ABTB3: variants seen among roughly 807,000 people sequenced by gnomAD.
ABTB3 encodes the protein ankyrin repeat and BTB domain containing 3.
the ABTB3 span, among the ~76,000 whole-genome samples, chr12:107,520,077 T>C: frequency 2.6e-5 from 4 of 152,118 alleles, no homozygotes; most frequent in African/African-American, 9.7e-5. Flanking sequence ...GAAGCAATTT[T>C]CGGCAGAGAC....
the ABTB3 span, among the ~76,000 whole-genome samples, chr12:107,565,383 A>T: frequency 2.6e-5 from 4 of 152,102 alleles, no homozygotes; most frequent in African/African-American, 9.7e-5. Flanking sequence ...GCTGTATGCC[A>T]GACGTAGATG....
chr12:107,356,359 C>T, the ABTB3 span, among the ~76,000 whole-genome samples: 77 of 152,276 alleles, frequency 5.1e-4, no homozygotes, highest in Non-Finnish European at 8.5e-4. Context: ...ATGCACTTCC[C>T]CTTCCTTATG....
chr12:107,583,797 G>T, the ABTB3 span, among the ~76,000 whole-genome samples: 2 of 152,196 alleles, frequency 1.3e-5, no homozygotes, highest in South Asian at 4.1e-4. Flanking sequence ...TGTGCACGCA[G>T]GCCAGAATGC....
At chr12:107,492,748 A>C in the ABTB3 span, among the ~76,000 whole-genome samples, 1 of 152,118 alleles carries the variant, frequency 6.6e-6, no homozygotes, top group Admixed American at 6.5e-5. Flanking sequence ...CCAACCAGAA[A>C]AAACAAAAAA....
At chr12:107,319,482 C>T in the ABTB3 span, 74 of 1,597,894 alleles carry the variant, frequency 4.6e-5, no homozygotes, top group African/African-American at 9.4e-4. Flanking sequence ...TGTACGGCGG[C>T]TGCGCTGGCC....
chr12:107,559,396 G>A, the ABTB3 span, among the ~76,000 whole-genome samples: 9 of 149,598 alleles, frequency 6.0e-5, no homozygotes, highest in Admixed American at 4.0e-4. Flanking sequence ...CAACATTAGC[G>A]AATATTAGCC....
At chr12:107,453,081 A>T in the ABTB3 span, among the ~76,000 whole-genome samples, 1 of 152,178 alleles carries the variant, frequency 6.6e-6, no homozygotes, top group Non-Finnish European at 1.5e-5. Context: ...GGAAAGGTCT[A>T]GGGAATCGCA....
At chr12:107,617,714 T>C in the ABTB3 span, 2 of 450,516 alleles carry the variant, frequency 4.4e-6, no homozygotes, top group Non-Finnish European at 7.8e-6. Flanking sequence ...TCAGGGCACG[T>C]CATGTCAGCT....
chr12:107,352,124 A>G, the ABTB3 span, among the ~76,000 whole-genome samples: 3 of 152,304 alleles, frequency 2.0e-5, no homozygotes, highest in South Asian at 6.2e-4. Context: ...GAGATACCCC[A>G]GTCAACAGGC....
At chr12:107,575,389 GCGCCA>G in the ABTB3 span, among the ~76,000 whole-genome samples, 1 of 151,992 alleles carries the variant, frequency 6.6e-6, no homozygotes, top group Non-Finnish European at 1.5e-5. Context: ...TCGGTACCAG[GCGCCA>G]CGCTAAGTAC....
the ABTB3 span, among the ~76,000 whole-genome samples, chr12:107,626,396 A>T: frequency 7.4e-6 from 1 of 135,016 alleles, no homozygotes; most frequent in South Asian, 2.4e-4. Flanking sequence ...CCCAGGCTAG[A>T]GTGTAGTGGT....
At chr12:107,571,676 G>T in the ABTB3 span, among the ~76,000 whole-genome samples, 1 of 152,246 alleles carries the variant, frequency 6.6e-6, no homozygotes, top group Admixed American at 6.5e-5. Flanking sequence ...CACTTCTGAG[G>T]CTGCGGCTCC....
the ABTB3 span, among the ~76,000 whole-genome samples, chr12:107,436,838 A>G: frequency 5.1e-4 from 78 of 152,154 alleles, no homozygotes; most frequent in Non-Finnish European, 9.0e-4. Context: ...ACTATTATAG[A>G]TCAGTAAGAA....
At chr12:107,545,389 A>G in the ABTB3 span, among the ~76,000 whole-genome samples, 16,629 of 151,840 alleles carry the variant, frequency 0.11, 979 homozygotes, top group Middle Eastern at 0.13. Context: ...GACTACAGTC[A>G]TGCCCCACCA....
At chr12:107,656,344 T>C in the ABTB3 span, among the ~76,000 whole-genome samples, 2 of 152,000 alleles carry the variant, frequency 1.3e-5, no homozygotes, top group African/African-American at 4.8e-5. Flanking sequence ...GAAAAAATTA[T>C]AATCTAGGAC....
At chr12:107,401,630 T>C in the ABTB3 span, among the ~76,000 whole-genome samples, 1 of 152,188 alleles carries the variant, frequency 6.6e-6, no homozygotes, top group East Asian at 1.9e-4. Context: ...GGGGTTAAAA[T>C]GTCCTTTAAA....
At chr12:107,503,391 C>T in the ABTB3 span, among the ~76,000 whole-genome samples, 1 of 152,052 alleles carries the variant, frequency 6.6e-6, no homozygotes, top group African/African-American at 2.4e-5. Context: ...ATTGGCTAAC[C>T]TTGAGTGGGG....
chr12:107,472,586 C>T, the ABTB3 span, among the ~76,000 whole-genome samples: 1 of 152,208 alleles, frequency 6.6e-6, no homozygotes, highest in African/African-American at 2.4e-5. Flanking sequence ...CACAGGGATG[C>T]TCTGATGAGT....
At chr12:107,469,965 T>C in the ABTB3 span, among the ~76,000 whole-genome samples, 23 of 83,554 alleles carry the variant, frequency 2.8e-4, no homozygotes, top group Admixed American at 5.8e-4. Context: ...TCTTTCTTTC[T>C]TTCTTTCTTT....
Sources: gnomAD v4.1 joint callset for allele counts (sites outside exome capture counted in the v4.1 genomes callset) on GRCh38, gnomAD v4.1.1 for gene constraint, MANE v1.5 for transcripts, NCBI Gene and HGNC (gene_info 2026-07-23, HGNC 2026-07-21) for gene names.